DCC: variants seen among roughly 807,000 people sequenced by gnomAD.
DCC encodes the protein netrin receptor DCC.
DCC carries 58 observed loss-of-function variants against 172.5 expected under a neutral mutation model. The ratio of observed to expected loss-of-function variants is 0.34; its 90% CI spans 0.27 to 0.42. The LOEUF (loss-of-function observed/expected upper bound fraction) is 0.42, where lower values mean the gene tolerates loss of function less well. Among genes scored for constraint, DCC ranks in the 10% least tolerant of loss-of-function variants. The probability of loss-of-function intolerance (pLI) is 1.00; values close to 1 mark genes in which losing one functional copy is unlikely to be tolerated. For missense variants in DCC, 1,740 were observed against 1,791.0 expected (o/e 0.97, Z 0.51); for synonymous variants, 709 against 644.5 (o/e 1.10, Z -1.52).
chr18:53,202,067 A>G (rs1267879486), intron 9 of DCC, among the ~76,000 whole-genome samples: 1 of 152,174 alleles, frequency 6.6e-6, no homozygotes, highest in African/African-American at 2.4e-5. Context: ...CATGTTTCTT[A>G]GCTCTGTTCA....
intron 2 of DCC, among the ~76,000 whole-genome samples, chr18:52,836,571 C>T (rs1427769904): frequency 6.6e-6 from 1 of 152,208 alleles, no homozygotes; most frequent in Non-Finnish European, 1.5e-5. Flanking sequence ...GTCATTAAAC[C>T]TTAAGGTTCC....
intron 2 of DCC, among the ~76,000 whole-genome samples, chr18:52,802,101 G>A (rs2038000705): frequency 6.6e-6 from 1 of 151,444 alleles, no homozygotes. Context: ...TTGGCAAATA[G>A]TACTATAGCA....
chr18:52,873,932 A>G (rs2039361216), intron 2 of DCC, among the ~76,000 whole-genome samples: 1 of 152,214 alleles, frequency 6.6e-6, no homozygotes, highest in East Asian at 1.9e-4. Context: ...TTAGAAAGGA[A>G]GGTGTAAGGA....
At chr18:53,086,585 CCTTCTTCTT>C (rs755034828) in intron 7 of DCC, among the ~76,000 whole-genome samples, 3 of 35,150 alleles carry the variant, frequency 8.5e-5, no homozygotes, top group East Asian at 3.8e-4. Flanking sequence ...TCTTCTTCTT[CCTTCTTCTT>C]CTTCTTCTTC....
In DCC at chr18:52,491,482, G is replaced by A. The variant is rs75726986; in HGVS notation, c.91+150604G>A. Among the ~76,000 whole-genome samples the A allele has an allele frequency of 5.6e-3, 846 of 152,124 alleles. 5 individuals are homozygous for A. The highest frequency in any genetic ancestry group is 0.019 in the African/African-American group (793 of 41,520). On this transcript the variant is annotated intron_variant, in intron 1 of 28. Coordinates refer to ENST00000442544, the MANE Select transcript of DCC (RefSeq NM_005215.4). ...AGCATGTGAAAAGTGTGAGTGATTGGCAAGGTCAGTATGTTTATTTTATTT... is the reference window on the plus strand; with the variant it reads ...AGCATGTGAAAAGTGTGAGTGATTGACAAGGTCAGTATGTTTATTTTATTT...
At chr18:53,233,888 T>A (rs1598931574) in intron 12 of DCC, among the ~76,000 whole-genome samples, 1 of 151,182 alleles carries the variant, frequency 6.6e-6, no homozygotes, top group African/African-American at 2.4e-5. Flanking sequence ...CCGAGTTGGG[T>A]GGATCACCTG....
intron 2 of DCC, among the ~76,000 whole-genome samples, chr18:52,883,210 A>G (rs544508127): frequency 7.9e-5 from 12 of 152,126 alleles, no homozygotes; most frequent in Non-Finnish European, 1.5e-4. Flanking sequence ...CTATTAAGAC[A>G]TTCTATGGCT....
chr18:52,908,011 T>G (rs1277759042), intron 3 of DCC, among the ~76,000 whole-genome samples: 3 of 152,220 alleles, frequency 2.0e-5, no homozygotes, highest in African/African-American at 7.2e-5. Context: ...ACTTTCTCTT[T>G]TAGCCGAACT....
intron 1 of DCC, among the ~76,000 whole-genome samples, chr18:52,624,442 G>A (rs2034535286): frequency 6.6e-6 from 1 of 152,130 alleles, no homozygotes; most frequent in Non-Finnish European, 1.5e-5. Context: ...AAATGTCTTA[G>A]TATCAGCTGG....
intron 1 of DCC, among the ~76,000 whole-genome samples, chr18:52,481,024 T>C (rs1160501551): frequency 6.6e-6 from 1 of 152,214 alleles, no homozygotes; most frequent in Non-Finnish European, 1.5e-5. Context: ...CTATTACTTT[T>C]AACAAAGATG....
chr18:52,755,719 AAAC>A (rs975025462), intron 2 of DCC, among the ~76,000 whole-genome samples: 3 of 152,184 alleles, frequency 2.0e-5, no homozygotes, highest in Non-Finnish European at 2.9e-5. Flanking sequence ...TGCTTGGGTA[AAAC>A]AACAACAACA....
intron 1 of DCC, among the ~76,000 whole-genome samples, chr18:52,354,419 G>A (rs954279960): frequency 6.6e-6 from 1 of 152,170 alleles, no homozygotes; most frequent in Non-Finnish European, 1.5e-5. Context: ...TATCTGATTG[G>A]AGGTTTAGAA....
intron 12 of DCC, among the ~76,000 whole-genome samples, chr18:53,259,254 T>A (rs556628036): frequency 4.9e-4 from 75 of 152,354 alleles, no homozygotes; most frequent in African/African-American, 1.7e-3. Context: ...CCTGTCATTA[T>A]GATGTTAGCT....
chr18:53,511,126 G>C (rs928674458), intron 27 of DCC, among the ~76,000 whole-genome samples: 55 of 152,260 alleles, frequency 3.6e-4, no homozygotes, highest in African/African-American at 1.2e-3. Flanking sequence ...GTAGGAAAAG[G>C]TGTTTTACTG....
intron 5 of DCC, among the ~76,000 whole-genome samples, chr18:53,032,979 C>T (rs1024580739): frequency 2.0e-5 from 3 of 152,150 alleles, no homozygotes; most frequent in Non-Finnish European, 1.5e-5. Flanking sequence ...CATAAAGACT[C>T]TTAATGAGTT....
chr18:53,449,185 CT>C (rs1367080553), intron 22 of DCC, among the ~76,000 whole-genome samples: 12 of 151,972 alleles, frequency 7.9e-5, no homozygotes, highest in African/African-American at 2.7e-4. Flanking sequence ...AAATTCCTTG[CT>C]TTTTTATACT....
At chr18:52,611,519 G>C (rs1482774036) in intron 1 of DCC, among the ~76,000 whole-genome samples, 1 of 152,158 alleles carries the variant, frequency 6.6e-6, no homozygotes, top group African/African-American at 2.4e-5. Flanking sequence ...AAAATGTCCT[G>C]ACTGGCTGAT....
chr18:53,019,514 T>C (rs889993554), intron 5 of DCC, among the ~76,000 whole-genome samples: 13 of 152,132 alleles, frequency 8.5e-5, no homozygotes, highest in Admixed American at 5.2e-4. Context: ...TACATACTCT[T>C]AATAGTTCAT....
chr18:52,373,718 A>G (rs1444210574), intron 1 of DCC, among the ~76,000 whole-genome samples: 1 of 151,952 alleles, frequency 6.6e-6, no homozygotes, highest in East Asian at 1.9e-4. Context: ...CATCTGAATA[A>G]TGCCCTCAGT....
Sources: allele counts gnomAD v4.1 joint callset (sites outside exome capture counted in the v4.1 genomes callset), GRCh38; gene constraint gnomAD v4.1.1; transcripts MANE v1.5; gene names NCBI Gene and HGNC (gene_info 2026-07-23, HGNC 2026-07-21).